The following SV2B variants were observed in gnomAD, a reference collection of about 807,000 sequenced individuals.
SV2B encodes synaptic vesicle glycoprotein 2B.
Under a neutral mutation model 73.9 loss-of-function variants are expected in SV2B, and 41 were observed. That is an observed-to-expected ratio of 0.56 (90% CI 0.43 to 0.72). The LOEUF (loss-of-function observed/expected upper bound fraction) is 0.72. Among genes scored for constraint, SV2B ranks in the 30% least tolerant of loss-of-function variants. The pLI is 0.00. For missense variants in SV2B, 764 were observed against 857.8 expected (o/e 0.89, Z 1.37); for synonymous variants, 314 against 314.2 (o/e 1.00, Z 0.01).
At position 91,281,801 on chromosome 15, in the gene SV2B, A is replaced by G. The variant is rs765825421; in HGVS notation, c.1447A>G (p.Thr483Ala). 6.2e-7 allele frequency: 1 copy of G among 1,613,530 alleles called. No homozygotes were observed. The highest frequency in any genetic ancestry group is 1.1e-5 in the South Asian group (1 of 90,962). The change falls in exon 10 of 13, where the codon ACA becomes GCA. Residue 483 changes from threonine to alanine, a missense_variant. Transcript: ENST00000394232. This position sits in a 1 kb window ranked among gnomAD's most constrained non-coding sequence, Gnocchi z 4.7. The part of the protein sequence containing the change: ...FFDECYFEDV[T>A]STDTYFKNCT... ...TGACGAGTGCTATTTTGAAGACGTA[A>G]CATCAACAGATACCTACTTCAAAAA...
intron 1 of SV2B, among the ~76,000 whole-genome samples, chr15:91,187,213 GGTGTGACT>G (rs1481639256): frequency 6.6e-6 from 1 of 152,180 alleles, no homozygotes; most frequent in Non-Finnish European, 1.5e-5. Context: ...TAATTTATCT[GGTGTGACT>G]GCCTGAGGAA....
Position 91,252,100 on chromosome 15 carries a change from C to A in SV2B, c.632+101C>A. 1 of 1,450,816 alleles carries A rather than the reference C, an allele frequency of 6.9e-7. No homozygotes were observed. The highest frequency in any genetic ancestry group is 2.3e-5 in the East Asian group (1 of 43,370). 89.9% of individuals were successfully genotyped at this position (1,450,816 alleles called of 1,614,324 possible). On this transcript the variant is annotated intron_variant, in intron 3 of 12. Coordinates refer to ENST00000394232, the MANE Select transcript of SV2B (RefSeq NM_001323032.3). This position sits in a 1 kb window ranked among gnomAD's most constrained non-coding sequence, Gnocchi z 4.6. ...GTAACTCTAGAAACCCTTGGACTGA[C>A]TGAGTTTTTGTTTGACTTTCAGGAT...
At chr15:91,166,118 T>C (rs1486241600) in intron 1 of SV2B, among the ~76,000 whole-genome samples, 1 of 152,214 alleles carries the variant, frequency 6.6e-6, no homozygotes, top group Non-Finnish European at 1.5e-5. Flanking sequence ...GTTTTTAACT[T>C]CAGCATTATT....
At chr15:91,262,422 A>G (rs1245822394) in intron 6 of SV2B, among the ~76,000 whole-genome samples, 5 of 152,214 alleles carry the variant, frequency 3.3e-5, no homozygotes, top group Non-Finnish European at 5.9e-5. Flanking sequence ...TAATGCTTCT[A>G]AAATATCTGA....
Position 91,288,413 on chromosome 15 carries a change from G to T in SV2B, c.1709-1108G>T, listed in dbSNP as rs1454091966. Among the ~76,000 whole-genome samples the T allele has an allele frequency of 6.6e-6, 1 of 152,076 alleles. No homozygotes were observed. The highest frequency in any genetic ancestry group is 1.5e-5 in the Non-Finnish European group (1 of 68,004). On this transcript the variant is annotated intron_variant, in intron 11 of 12. Coordinates refer to ENST00000394232, the MANE Select transcript of SV2B (RefSeq NM_001323032.3). This position sits in a 1 kb window ranked among gnomAD's most constrained non-coding sequence, Gnocchi z 5.8. ...TATATGTTTTGTGGTGAGAATATTTGAAATTTACTCTCTTAGCAATTTTGA... is the reference window on the plus strand; with the variant it reads ...TATATGTTTTGTGGTGAGAATATTTTAAATTTACTCTCTTAGCAATTTTGA...
At position 91,137,034 on chromosome 15, in the gene SV2B, G is replaced by T. The variant is rs796099187; in HGVS notation, c.-392+36671G>T. ...CAAAAGCACTGGTATGTGATTTTTAGGGAAGAGTATGAATGATGCAACTTG... is the reference window on the plus strand; with the variant it reads ...CAAAAGCACTGGTATGTGATTTTTATGGAAGAGTATGAATGATGCAACTTG... On this transcript the variant is annotated intron_variant, in intron 1 of 12. Coordinates refer to ENST00000394232, the MANE Select transcript of SV2B (RefSeq NM_001323032.3). The surrounding 1 kb of genome is among the most constrained non-coding windows in gnomAD (Gnocchi z 4.9). 1.3e-5 allele frequency among the ~76,000 whole-genome samples: 2 copies of T among 152,264 alleles called. No homozygotes were observed. Among genetic ancestry groups the T allele is most frequent in the African/African-American group, 4.8e-5 (2 of 41,554 alleles).
At chr15:91,119,990 A>T (rs2042285873) in intron 1 of SV2B, among the ~76,000 whole-genome samples, 1 of 152,222 alleles carries the variant, frequency 6.6e-6, no homozygotes, top group South Asian at 2.1e-4. Context: ...TGTTACTCTC[A>T]TAAGAAATAC....
chr15:91,280,142 T>C lies in SV2B; in HGVS notation c.1374-1586T>C, dbSNP rs897824810. Among the ~76,000 whole-genome samples the C allele has an allele frequency of 3.3e-5, 5 of 152,214 alleles. No individual in the cohort carries two copies. Among genetic ancestry groups the C allele is most frequent in the Admixed American group, 6.5e-5 (1 of 15,280 alleles). On this transcript the variant is annotated intron_variant, in intron 9 of 12. Transcript: ENST00000394232. The surrounding 1 kb of genome is among the most constrained non-coding windows in gnomAD (Gnocchi z 5.8). ...AAGTGGTCTGGGGTCCTGCTTTTGG[T>C]GAACACTTGCCCGGGACTTCTTGTG...
At chr15:91,138,171 CA>C (rs1178309369) in intron 1 of SV2B, among the ~76,000 whole-genome samples, 1 of 151,986 alleles carries the variant, frequency 6.6e-6, no homozygotes. Flanking sequence ...AAAAACCAAC[CA>C]AAAAAACCCT....
chr15:91,155,196 G>A lies in SV2B; in HGVS notation c.-392+54833G>A, dbSNP rs2043446177. ...GGCAGGAGCCCTGGAGCAAAATGGGGAAAGGGAAGGGCGTGGTTAAGGTAG... is the reference window on the plus strand; with the variant it reads ...GGCAGGAGCCCTGGAGCAAAATGGGAAAAGGGAAGGGCGTGGTTAAGGTAG... On this transcript the variant is annotated intron_variant, in intron 1 of 12. Transcript: ENST00000394232. Among the ~76,000 whole-genome samples, 3 of 152,176 alleles carry A rather than the reference G, an allele frequency of 2.0e-5. No homozygotes were observed. In the South Asian group the frequency reaches 6.2e-4, roughly 31 times the overall value.
chr15:91,258,462 T>C lies in SV2B; in HGVS notation c.826T>C (p.Trp276Arg). Residue 276 changes from tryptophan (W) to arginine (R), a missense_variant, in exon 5 of 13, where the codon TGG becomes CGG. Coordinates refer to ENST00000394232, the MANE Select transcript of SV2B (RefSeq NM_001323032.3). This position sits in a 1 kb window ranked among gnomAD's most constrained non-coding sequence, Gnocchi z 4.7. ...GGGGACCAATTACCACTTCCATAGC[T>C]GGAGAGTGTTTGTCATCGTCTGTGC... ...SMGTNYHFHS[W>R]RVFVIVCALP... 1 of 1,614,132 alleles carries C rather than the reference T, an allele frequency of 6.2e-7. No homozygotes were observed. Among genetic ancestry groups the C allele is most frequent in the Non-Finnish European group, 8.5e-7 (1 of 1,180,002 alleles).
At chr15:91,182,276 A>C (rs143575971) in intron 1 of SV2B, among the ~76,000 whole-genome samples, 3 of 152,324 alleles carry the variant, frequency 2.0e-5, no homozygotes, top group East Asian at 3.9e-4. Context: ...CCGTCCATCT[A>C]ACTGTCATTA....
At chr15:91,260,232 C>T in intron 5 of SV2B, 88 bp from the exon 6 acceptor site, 1 of 1,154,282 alleles carries the variant, frequency 8.7e-7, no homozygotes, top group East Asian at 2.4e-5. Context: ...TCAACATTCC[C>T]ATTGAGTTTG....
chr15:91,134,289 G>A (rs1048629020), intron 1 of SV2B, among the ~76,000 whole-genome samples: 2 of 152,008 alleles, frequency 1.3e-5, no homozygotes, highest in African/African-American at 4.8e-5. Flanking sequence ...TGAGCCACAG[G>A]CCCGGCCTTC....
Position 91,140,600 on chromosome 15 carries a change from C to A in SV2B, c.-392+40237C>A, listed in dbSNP as rs946766718. 1.3e-5 allele frequency among the ~76,000 whole-genome samples: 2 copies of A among 152,158 alleles called. No homozygotes were observed. The highest frequency in any genetic ancestry group is 4.8e-5 in the African/African-American group (2 of 41,442). On this transcript the variant is annotated intron_variant, in intron 1 of 12. Transcript: ENST00000394232. This position sits in a 1 kb window ranked among gnomAD's most constrained non-coding sequence, Gnocchi z 4.4. ...CCGAGGCCTGAGGAGTAGCCCATTGCTCTCCTCTTTGATCTCCTCCAACAG... is the reference window on the plus strand; with the variant it reads ...CCGAGGCCTGAGGAGTAGCCCATTGATCTCCTCTTTGATCTCCTCCAACAG...
In SV2B at chr15:91,177,173, C is replaced by A. The variant is rs1056913302; in HGVS notation, c.-391-48700C>A. 3.3e-5 allele frequency among the ~76,000 whole-genome samples: 5 copies of A among 151,814 alleles called. No homozygotes were observed. The South Asian group carries it at 6.2e-4, about 19-fold the overall frequency. On this transcript the variant is annotated intron_variant, in intron 1 of 12. Transcript: ENST00000394232. The stretch of plus-strand genomic sequence containing the variant: ...AATCCTTTCCCCATTGCTTGTTTTA[C>A]TCAGGTTTGTCAAAGATCAGATAGT...
chr15:91,160,453 C>A (rs2043672165), intron 1 of SV2B, among the ~76,000 whole-genome samples: 1 of 152,036 alleles, frequency 6.6e-6, no homozygotes. Context: ...ACTAAAAATG[C>A]AAAAATTAGC....
At chr15:91,276,892 G>A (rs968745032) in intron 9 of SV2B, among the ~76,000 whole-genome samples, 2 of 136,742 alleles carry the variant, frequency 1.5e-5, no homozygotes, top group Admixed American at 7.0e-5. Flanking sequence ...CATGATCTCA[G>A]CTCACCGCAA....
intron 6 of SV2B, 80 bp downstream of exon 6, chr15:91,260,489 A>G: frequency 2.7e-6 from 3 of 1,101,902 alleles, no homozygotes; most frequent in Non-Finnish European, 2.6e-6. Context: ...ATTTAAGCAC[A>G]TAACAGGAAA....
Sources: gnomAD v4.1 joint callset for allele counts (sites outside exome capture counted in the v4.1 genomes callset) on GRCh38, gnomAD v4.1.1 for gene constraint, Gnocchi (gnomAD v3.1) non-coding constraint, MANE v1.5 for transcripts, NCBI Gene and HGNC (gene_info 2026-07-23, HGNC 2026-07-21) for gene names.